PPP1R14A: variants seen among roughly 807,000 people sequenced by gnomAD.
PPP1R14A encodes protein phosphatase 1 regulatory inhibitor subunit 14A.
PPP1R14A carries 9 observed loss-of-function variants against 14.1 expected under a neutral mutation model. The ratio of observed to expected loss-of-function variants is 0.64; its 90% CI spans 0.38 to 1.11. The LOEUF (loss-of-function observed/expected upper bound fraction) is 1.11. Ranked by LOEUF, PPP1R14A falls within the 50% of genes most tolerant of loss-of-function variation. The pLI, the probability that PPP1R14A is intolerant of heterozygous loss-of-function variation, is 0.01. For synonymous variants in PPP1R14A, 93 were observed against 88.7 expected, an observed-to-expected ratio of 1.05 and a Z score of -0.27; for missense variants, 208 against 200.7, an observed-to-expected ratio of 1.04 and a Z score of -0.22.
intron 1 of PPP1R14A, among the ~76,000 whole-genome samples, chr19:38,253,800 A>G (rs1405678367): frequency 4.6e-5 from 7 of 152,220 alleles, no homozygotes; most frequent in Admixed American, 6.5e-5. Context: ...GCAAGGACAC[A>G]GGTGTGTGAG....
chr19:38,252,331 A>T lies in PPP1R14A; in HGVS notation c.290T>A (p.Leu97Gln). 1.9e-6 allele frequency: 3 copies of T among 1,612,700 alleles called. No individual in the cohort carries two copies. The East Asian group carries it at 6.7e-5, about 36-fold the overall frequency. The change falls in exon 3 of 4, where the codon CTG (leucine) becomes CAG (glutamine). Residue 97 changes from leucine (L) to glutamine (Q), a missense_variant. Coordinates refer to ENST00000301242, the MANE Select transcript of PPP1R14A (RefSeq NM_033256.3). This position sits in a 1 kb window ranked among gnomAD's most constrained non-coding sequence, Gnocchi z 4.1. ...CTCGACAGGTTTCCCACATGACTTC[A>T]GGAGTCCCTAAAACCCCCAACCAAG... ...EERSRKIQGL[L>Q]KSCGKPVEDF...
chr19:38,252,963 C>T lies in PPP1R14A; in HGVS notation c.213G>A (p.Met71Ile). 6.2e-7 allele frequency: 1 copy of T among 1,613,864 alleles called. No homozygotes were observed. ...EELYRGMEAD[M>I]PDEINIDELL... ...ATTCATCAATGTTGATCTCATCGGG[C>T]ATGTCTGCCTCCTAGGGCCAGGGAG... is the stretch of plus-strand genomic sequence containing the variant. Residue 71 changes from methionine (M) to isoleucine (I), a missense_variant, in exon 2 of 4, where the codon ATG becomes ATA. Met to Ile is a conservative substitution (Grantham distance 10). Transcript: ENST00000301242. This position sits in a 1 kb window ranked among gnomAD's most constrained non-coding sequence, Gnocchi z 4.1.
chr19:38,254,160 C>G (rs558773033), intron 1 of PPP1R14A, among the ~76,000 whole-genome samples: 5 of 152,280 alleles, frequency 3.3e-5, no homozygotes, highest in African/African-American at 4.8e-5. Flanking sequence ...GTCCTGTGTA[C>G]ACTGTAGCAT....
chr19:38,253,127 A>T (rs1968209186), intron 1 of PPP1R14A, 153 bp from the exon 2 acceptor site: 1 of 622,772 alleles, frequency 1.6e-6, no homozygotes, highest in Non-Finnish European at 2.8e-6. Flanking sequence ...CCAAGACGGG[A>T]CATCTGGGTG....
chr19:38,254,512 C>T (rs953584836), intron 1 of PPP1R14A, among the ~76,000 whole-genome samples: 2 of 152,016 alleles, frequency 1.3e-5, no homozygotes, highest in Non-Finnish European at 2.9e-5. Flanking sequence ...ACCATGTTGG[C>T]CAGGCTAGTC....
chr19:38,256,236 G>T lies in PPP1R14A; in HGVS notation c.104C>A (p.Ala35Glu). 1 of 1,552,010 alleles carries T rather than the reference G, an allele frequency of 6.4e-7. No individual in the cohort carries two copies. The highest frequency in any genetic ancestry group is 8.7e-7 in the Non-Finnish European group (1 of 1,153,396). Residue 35 changes from alanine to glutamate, a missense_variant, in exon 1 of 4, where the codon GCG becomes GAG. Physicochemically the swap from Ala to Glu is moderately radical, Grantham distance 107. Coordinates refer to ENST00000301242, the MANE Select transcript of PPP1R14A (RefSeq NM_033256.3). This position sits in a 1 kb window ranked among gnomAD's most constrained non-coding sequence, Gnocchi z 5.7. Reference sequence around the variant, plus strand: ...CCGGTCATACTTGACGGTGACGCGCGCGTGCCGCTTCTGCAGCCCCCCGGG... The same window carrying T: ...CCGGTCATACTTGACGGTGACGCGCTCGTGCCGCTTCTGCAGCCCCCCGGG... ...GSPGGLQKRHARVTVKYDRRE... is the reference protein window; with the variant it reads ...GSPGGLQKRHERVTVKYDRRE...
chr19:38,254,201 C>T (rs1968221158), intron 1 of PPP1R14A, among the ~76,000 whole-genome samples: 1 of 152,010 alleles, frequency 6.6e-6, no homozygotes, highest in South Asian at 2.1e-4. Context: ...GGCGCAGTGG[C>T]TCACGCCTGT....
At chr19:38,253,532 G>A (rs1968214429) in intron 1 of PPP1R14A, among the ~76,000 whole-genome samples, 1 of 152,144 alleles carries the variant, frequency 6.6e-6, no homozygotes, top group Admixed American at 6.5e-5. Flanking sequence ...CTCAAGGTGG[G>A]TGGGTGGGAT....
chr19:38,254,824 G>A (rs1385626336), intron 1 of PPP1R14A, among the ~76,000 whole-genome samples: 2 of 151,694 alleles, frequency 1.3e-5, no homozygotes, highest in Admixed American at 6.6e-5. Flanking sequence ...ACGGAGTTTC[G>A]CTCTTGTTGC....
intron 1 of PPP1R14A, among the ~76,000 whole-genome samples, chr19:38,255,725 T>G (rs956599816): frequency 6.6e-6 from 1 of 151,660 alleles, no homozygotes; most frequent in Non-Finnish European, 1.5e-5. Flanking sequence ...TGCACATCTG[T>G]GTCTGCTTTT....
Position 38,252,811 on chromosome 19 carries a change from G to T in PPP1R14A, c.282+83C>A. On this transcript the variant is annotated intron_variant, in intron 2 of 3. Transcript: ENST00000301242. The surrounding 1 kb of genome is among the most constrained non-coding windows in gnomAD (Gnocchi z 4.1). ...CACACCAGTGCCCGGCATCTAGTGA[G>T]CACTCAGTAAACACGTGAACTATTG... 9.9e-7 allele frequency: 1 copy of T among 1,005,484 alleles called. No homozygotes were observed. The allele number at this position is 1,005,484 out of a possible 1,614,324, so 62.3% of individuals were successfully genotyped here.
intron 1 of PPP1R14A, chr19:38,253,226 G>A: frequency 6.4e-6 from 3 of 470,496 alleles, no homozygotes; most frequent in East Asian, 3.8e-5. Context: ...GGGAGCCTCG[G>A]GGCTGGCACG....
intron 1 of PPP1R14A, 69 bp from the exon 2 acceptor site, chr19:38,253,043 G>T: frequency 7.8e-7 from 1 of 1,277,774 alleles, no homozygotes; most frequent in Admixed American, 1.8e-5. Flanking sequence ...CCAGGGCTCT[G>T]CAGGAGCCCC....
intron 3 of PPP1R14A, chr19:38,251,716 C>G (rs1968192723): frequency 2.1e-6 from 1 of 477,694 alleles, no homozygotes; most frequent in African/African-American, 2.1e-5. Context: ...GGGGGAGAAA[C>G]AGACACAGAA....
intron 1 of PPP1R14A, 166 bp from the exon 2 acceptor site, chr19:38,253,140 G>T (rs1338855969): frequency 1.7e-6 from 1 of 592,102 alleles, no homozygotes; most frequent in Non-Finnish European, 3.0e-6. Flanking sequence ...TCTGGGTGTT[G>T]GGGGGGAGGG....
Position 38,252,306 on chromosome 19 carries a change from CT to C in PPP1R14A, c.314del (p.Glu105GlyfsTer65). Reference protein sequence around the residue: ...GLLKSCGKPVEDFIQELLAKL... With the variant: ...GLLKSCGKPVXDFIQELLAKL... ...AGAGAATGAGGGAGAGAAAACTCAC[CT>C]CGACAGGTTTCCCACATGACTTCAG... On this transcript the variant is annotated frameshift_variant and splice_region_variant, in exon 3 of 4. Transcript: ENST00000301242. LOFTEE classifies it high-confidence loss of function. This position sits in a 1 kb window ranked among gnomAD's most constrained non-coding sequence, Gnocchi z 4.1. The C allele has an allele frequency of 6.2e-7, 1 of 1,611,978 alleles. No homozygotes were observed. Among genetic ancestry groups the C allele is most frequent in the Non-Finnish European group, 8.5e-7 (1 of 1,179,114 alleles).
Position 38,256,139 on chromosome 19 carries a change from C to T in PPP1R14A, c.201G>A (p.Met67Ile). ...DGRLEELYRG[M>I]EADMPDEINI... Reference sequence around the variant, plus strand: ...ACCCCCGAGCCCTCCCCGGGCTCACCATGCCGCGGTACAGCTCCTCCAGGC... The same window carrying T: ...ACCCCCGAGCCCTCCCCGGGCTCACTATGCCGCGGTACAGCTCCTCCAGGC... Residue 67 changes from methionine to isoleucine, a missense_variant and splice_region_variant, in exon 1 of 4, where the codon ATG becomes ATA. Met to Ile is a conservative substitution (Grantham distance 10, BLOSUM62 1). Transcript: ENST00000301242. The surrounding 1 kb of genome is among the most constrained non-coding windows in gnomAD (Gnocchi z 5.7). 6.5e-7 allele frequency: 1 copy of T among 1,543,576 alleles called. No individual in the cohort carries two copies. Among genetic ancestry groups the T allele is most frequent in the Admixed American group, 1.9e-5 (1 of 51,578 alleles).
Position 38,252,484 on chromosome 19 carries a change from G to C in PPP1R14A, c.283-146C>G, listed in dbSNP as rs1385378908. On this transcript the variant is annotated intron_variant, in intron 2 of 3. Coordinates refer to ENST00000301242, the MANE Select transcript of PPP1R14A (RefSeq NM_033256.3). The surrounding 1 kb of genome is among the most constrained non-coding windows in gnomAD (Gnocchi z 4.1). ...GGACTGCCCACCAAGCTTCAAGAGA[G>C]GAACAGAGCCCAAGGGGCATGTGGA... The C allele has an allele frequency of 1.2e-6, 1 of 813,778 alleles. No homozygotes were observed. The highest frequency in any genetic ancestry group is 1.6e-5 in the South Asian group (1 of 64,200). 50.4% of individuals were successfully genotyped at this position (813,778 alleles called of 1,614,324 possible).
At position 38,256,076 on chromosome 19, in the gene PPP1R14A, G is replaced by C. The variant is rs1968244427; in HGVS notation, c.201+63C>G. The C allele has an allele frequency of 7.1e-7, 1 of 1,402,576 alleles. No individual in the cohort carries two copies. Among genetic ancestry groups the C allele is most frequent in the Non-Finnish European group, 9.6e-7 (1 of 1,043,702 alleles). 86.9% of individuals were successfully genotyped at this position (1,402,576 alleles called of 1,614,324 possible). A position where few individuals can be genotyped will look rare whatever the true frequency, so the allele number is the denominator to read the frequency against. On this transcript the variant is annotated intron_variant, in intron 1 of 3. Coordinates refer to ENST00000301242, the MANE Select transcript of PPP1R14A (RefSeq NM_033256.3). The surrounding 1 kb of genome is among the most constrained non-coding windows in gnomAD (Gnocchi z 5.7). ...GAGTGTGCACCGAGACCCCAAGGGC[G>C]TGGGGTCTCCGCGCCCGGGCTCTAT...
Sources: gnomAD v4.1 joint callset for allele counts (sites outside exome capture counted in the v4.1 genomes callset) on GRCh38, gnomAD v4.1.1 for gene constraint, Gnocchi (gnomAD v3.1) non-coding constraint, MANE v1.5 for transcripts, NCBI Gene and HGNC (gene_info 2026-07-23, HGNC 2026-07-21) for gene names.